JAZF1: variants seen among roughly 807,000 people sequenced by gnomAD.
The protein encoded by JAZF1 is juxtaposed with another zinc finger protein 1.
A neutral mutation model predicts 26.4 loss-of-function variants in JAZF1; 8 were observed. The ratio of observed to expected loss-of-function variants is 0.30; its 90% CI spans 0.18 to 0.55. The LOEUF is 0.55. Ranked by LOEUF, JAZF1 falls within the 20% of genes least tolerant of loss-of-function variation. The pLI, the probability that JAZF1 is intolerant of heterozygous loss-of-function variation, is 0.94. For synonymous variants in JAZF1, 126 were observed against 122.3 expected, an observed-to-expected ratio of 1.03 and a Z score of -0.20; for missense variants, 199 against 322.0, an observed-to-expected ratio of 0.62 and a Z score of 2.92.
intron 1 of JAZF1, among the ~76,000 whole-genome samples, chr7:27,993,993 C>G (rs1175216989): frequency 1.3e-5 from 2 of 152,138 alleles, no homozygotes; most frequent in East Asian, 3.8e-4. Flanking sequence ...ACAATATTCC[C>G]ACAAACCATC....
At chr7:27,966,183 C>T (rs927135211) in intron 2 of JAZF1, among the ~76,000 whole-genome samples, 1 of 152,222 alleles carries the variant, frequency 6.6e-6, no homozygotes, top group African/African-American at 2.4e-5. Flanking sequence ...TTCCACAACT[C>T]TACAATGAGG....
intron 1 of JAZF1, among the ~76,000 whole-genome samples, chr7:28,068,112 A>G (rs191055188): frequency 1.3e-3 from 199 of 151,662 alleles, no homozygotes; most frequent in African/African-American, 4.8e-3. Context: ...ACAGGGTTTC[A>G]CCATGTTAGC....
At position 27,861,896 on chromosome 7, in the gene JAZF1, G is replaced by C. The variant is rs1330624873; in HGVS notation, c.386-21029C>G. On this transcript the variant is annotated intron_variant, in intron 3 of 4. Transcript: ENST00000283928. ...GGTGGTGTGAGTGGCTGTGGGTAGA[G>C]AAAGGGCACTGGACTTCTACCACTC... Among the ~76,000 whole-genome samples the C allele has an allele frequency of 2.0e-5, 3 of 152,200 alleles. No individual in the cohort carries two copies. In the East Asian group the frequency reaches 5.8e-4, roughly 29 times the overall value.
intron 1 of JAZF1, among the ~76,000 whole-genome samples, chr7:28,014,521 A>G (rs780812918): frequency 6.6e-6 from 1 of 152,164 alleles, no homozygotes; most frequent in Non-Finnish European, 1.5e-5. Flanking sequence ...GATAGTTTTA[A>G]AAAGGGGAGT....
At chr7:28,179,771 C>G (rs1770149988) in intron 1 of JAZF1, among the ~76,000 whole-genome samples, 1 of 148,246 alleles carries the variant, frequency 6.7e-6, no homozygotes, top group South Asian at 2.1e-4. Context: ...AGGGAGAGGG[C>G]AAGCTCCCCG....
chr7:27,994,144 G>A (rs895047506), intron 1 of JAZF1, among the ~76,000 whole-genome samples: 1 of 151,808 alleles, frequency 6.6e-6, no homozygotes, highest in African/African-American at 2.4e-5. Context: ...CCTTCTTCAA[G>A]CTCTAGAATC....
chr7:28,159,379 G>A (rs1348649313), intron 1 of JAZF1, among the ~76,000 whole-genome samples: 1 of 151,400 alleles, frequency 6.6e-6, no homozygotes, highest in Non-Finnish European at 1.5e-5. Context: ...CCAAGCAGAA[G>A]AAACAAGAGC....
rs1783821810 is a variant in JAZF1 at position 27,884,259 on chromosome 7, T to C, written c.385+10961A>G. Among the ~76,000 whole-genome samples, 3 of 152,210 alleles carry C rather than the reference T, an allele frequency of 2.0e-5. No homozygotes were observed. In the South Asian group the frequency reaches 6.2e-4, roughly 32 times the overall value. On this transcript the variant is annotated intron_variant, in intron 3 of 4. Coordinates refer to ENST00000283928, the MANE Select transcript of JAZF1 (RefSeq NM_175061.4). ...CCATCCTCCCTGCCTCAGCCCCGAG[T>C]AACTGGGACTACAGGCATGTGCCAC...
chr7:27,957,140 G>T (rs1273289505), intron 2 of JAZF1, among the ~76,000 whole-genome samples: 6 of 150,752 alleles, frequency 4.0e-5, no homozygotes, highest in Non-Finnish European at 7.4e-5. Flanking sequence ...TCTCTTCCGG[G>T]TAAGTGAACT....
At chr7:28,016,153 GC>G (rs1192503969) in intron 1 of JAZF1, among the ~76,000 whole-genome samples, 1 of 152,170 alleles carries the variant, frequency 6.6e-6, no homozygotes, top group Non-Finnish European at 1.5e-5. Flanking sequence ...TTTCTTTGCT[GC>G]AGACTGGACT....
At chr7:27,914,509 T>C (rs1345843563) in intron 2 of JAZF1, among the ~76,000 whole-genome samples, 5 of 152,194 alleles carry the variant, frequency 3.3e-5, no homozygotes, top group African/African-American at 4.8e-5. Context: ...TTTAGGTTTA[T>C]ATAAATTGTG....
intron 2 of JAZF1, among the ~76,000 whole-genome samples, chr7:27,974,838 T>C (rs1785440320): frequency 6.6e-6 from 1 of 151,672 alleles, no homozygotes; most frequent in Admixed American, 6.6e-5. Flanking sequence ...CTGCAGGCTG[T>C]GTAAGTATGG....
intron 1 of JAZF1, among the ~76,000 whole-genome samples, chr7:28,095,105 G>A (rs1387130991): frequency 2.0e-5 from 3 of 152,092 alleles, no homozygotes; most frequent in South Asian, 2.1e-4. Flanking sequence ...AAGGCTCCAC[G>A]CAACCTCTCC....
chr7:28,000,113 C>T (rs1035773390), intron 1 of JAZF1, among the ~76,000 whole-genome samples: 3 of 152,208 alleles, frequency 2.0e-5, no homozygotes, highest in African/African-American at 7.2e-5. Context: ...TGTAGAAAAG[C>T]AGTGAGTTGA....
intron 1 of JAZF1, among the ~76,000 whole-genome samples, chr7:28,130,489 G>A (rs943751740): frequency 4.6e-5 from 7 of 152,240 alleles, no homozygotes; most frequent in East Asian, 3.9e-4. Flanking sequence ...GTGAGTTTAC[G>A]TAACGACCCA....
chr7:27,880,327 A>G (rs1323022827), intron 3 of JAZF1, among the ~76,000 whole-genome samples: 1 of 152,222 alleles, frequency 6.6e-6, no homozygotes, highest in African/African-American at 2.4e-5. Flanking sequence ...ACAGAGCCCT[A>G]TAGATTACTT....
At chr7:27,893,353 G>C (rs2128341703) in intron 3 of JAZF1, among the ~76,000 whole-genome samples, 1 of 152,296 alleles carries the variant, frequency 6.6e-6, no homozygotes, top group Middle Eastern at 3.4e-3. Flanking sequence ...TGGCTAAGGA[G>C]ATGATGGTGT....
At chr7:27,896,718 A>G (rs1583452752) in intron 2 of JAZF1, among the ~76,000 whole-genome samples, 1 of 152,206 alleles carries the variant, frequency 6.6e-6, no homozygotes, top group African/African-American at 2.4e-5. Context: ...ACCCAATGAA[A>G]CAACAGTAAT....
intron 2 of JAZF1, among the ~76,000 whole-genome samples, chr7:27,896,113 C>T (rs1784058814): frequency 6.6e-6 from 1 of 152,102 alleles, no homozygotes; most frequent in Non-Finnish European, 1.5e-5. Context: ...AAGGAGGTCA[C>T]CACTGATGAT....
Sources: gnomAD v4.1 joint callset for allele counts (sites outside exome capture counted in the v4.1 genomes callset) on GRCh38, gnomAD v4.1.1 for gene constraint, MANE v1.5 for transcripts, NCBI Gene and HGNC (gene_info 2026-07-23, HGNC 2026-07-21) for gene names.